The following TMEM132D variants were observed in gnomAD, a reference collection of about 807,000 sequenced individuals.
The protein encoded by TMEM132D is mature OL transmembrane protein.
A neutral mutation model predicts 62.3 loss-of-function variants in TMEM132D; 21 were observed. The ratio of observed to expected loss-of-function variants is 0.34; its 90% CI spans 0.24 to 0.49. TMEM132D has a LOEUF of 0.49. TMEM132D is among the 20% of genes least tolerant of loss of function. The pLI, the probability that TMEM132D is intolerant of heterozygous loss-of-function variation, is 0.99. For synonymous variants in TMEM132D, 621 were observed against 575.6 expected (o/e 1.08, Z -1.13); for missense variants, 1,346 against 1,402.8 (o/e 0.96, Z 0.65).
intron 1 of TMEM132D, among the ~76,000 whole-genome samples, chr12:129,888,747 T>G (rs1057349486): frequency 1.2e-4 from 18 of 152,296 alleles, no homozygotes; most frequent in African/African-American, 4.3e-4. Context: ...GTTGCTGTCC[T>G]GTTAACCACC....
Position 129,324,100 on chromosome 12 carries a change from A to G in TMEM132D, c.1299+13534T>C, listed in dbSNP as rs149788598. On this transcript the variant is annotated intron_variant, in intron 4 of 8. Transcript: ENST00000422113. ...ATTGGAAGCCTGAATTTATCCAAGT[A>G]TCCATCTTTTACTGACTGCATTTAC... 6.0e-3 allele frequency among the ~76,000 whole-genome samples: 907 copies of G among 152,184 alleles called. 10 individuals are homozygous for G. Among genetic ancestry groups the G allele is most frequent in the African/African-American group, 0.021 (876 of 41,524 alleles).
chr12:129,314,822 T>TA (rs142415226), intron 4 of TMEM132D, among the ~76,000 whole-genome samples: 5,227 of 152,252 alleles, frequency 0.034, 275 homozygotes, highest in East Asian at 0.26. Context: ...GTTTTCCTTG[T>TA]AGAGGTCTTT....
At chr12:129,232,796 G>A (rs1318185943) in intron 4 of TMEM132D, among the ~76,000 whole-genome samples, 13 of 152,228 alleles carry the variant, frequency 8.5e-5, no homozygotes, top group South Asian at 4.2e-4. Flanking sequence ...GGAAGCAGGC[G>A]CGTCTTACAT....
chr12:129,138,187 G>T (rs1296140361), intron 5 of TMEM132D, among the ~76,000 whole-genome samples: 2 of 152,242 alleles, frequency 1.3e-5, no homozygotes, highest in Admixed American at 6.5e-5. Flanking sequence ...GAAAAAAAGG[G>T]CTCAGTGCTG....
At chr12:129,522,407 C>T (rs1361014746) in intron 3 of TMEM132D, 1 of 151,858 alleles carries the variant, frequency 6.6e-6, no homozygotes, top group Non-Finnish European at 1.5e-5. Context: ...TTTAATGTTC[C>T]ATGAAATACT....
In TMEM132D at chr12:129,145,344, G is replaced by GA. The variant is rs750326881; in HGVS notation, c.1444-60643_1444-60642insT. 1.3e-3 allele frequency among the ~76,000 whole-genome samples: 195 copies of GA among 152,214 alleles called. 1 individual carries two copies. Among genetic ancestry groups the GA allele is most frequent in the Non-Finnish European group, 2.5e-3 (168 of 68,016 alleles). On this transcript the variant is annotated intron_variant, in intron 5 of 8. Coordinates refer to ENST00000422113, the MANE Select transcript of TMEM132D (RefSeq NM_133448.3). ...TGAAAATCCCTGCCCTAGAGTACAGGTTTTTTACTTGGCGGGTGGGGGGTT... is the reference window on the plus strand; with the variant it reads ...TGAAAATCCCTGCCCTAGAGTACAGGATTTTTTACTTGGCGGGTGGGGGGTT...
intron 3 of TMEM132D, among the ~76,000 whole-genome samples, chr12:129,414,117 G>A (rs967225711): frequency 3.3e-5 from 5 of 152,156 alleles, no homozygotes; most frequent in African/African-American, 7.2e-5. Context: ...GAATCTCTCC[G>A]CATAAAGTGG....
chr12:129,349,188 T>TTCA, intron 3 of TMEM132D, among the ~76,000 whole-genome samples: 1 of 152,228 alleles, frequency 6.6e-6, no homozygotes, highest in African/African-American at 2.4e-5. Flanking sequence ...TCTCCTTTCC[T>TTCA]GTGAACAAAT....
intron 5 of TMEM132D, among the ~76,000 whole-genome samples, chr12:129,165,600 G>A (rs960645570): frequency 2.0e-5 from 3 of 151,864 alleles, no homozygotes; most frequent in Admixed American, 1.3e-4. Flanking sequence ...CTCTCCACAT[G>A]TGTTCTCCCC....
At chr12:129,668,104 G>GA (rs1228055386) in intron 2 of TMEM132D, among the ~76,000 whole-genome samples, 3 of 151,120 alleles carry the variant, frequency 2.0e-5, no homozygotes, top group Non-Finnish European at 4.4e-5. Context: ...TAGAATAGAG[G>GA]AAAAACTTTC....
chr12:129,902,585 C>A (rs1256744292), intron 1 of TMEM132D, among the ~76,000 whole-genome samples: 1 of 152,178 alleles, frequency 6.6e-6, no homozygotes, highest in Non-Finnish European at 1.5e-5. Context: ...AGTCAGGGCT[C>A]CGCTGGGAAA....
At chr12:129,574,614 C>T (rs531691702) in intron 2 of TMEM132D, among the ~76,000 whole-genome samples, 1 of 151,660 alleles carries the variant, frequency 6.6e-6, no homozygotes, top group East Asian at 1.9e-4. Context: ...TTATGAATGC[C>T]CTTCTGAGTG....
chr12:129,251,763 T>C (rs1222629207), intron 4 of TMEM132D, among the ~76,000 whole-genome samples: 1 of 152,172 alleles, frequency 6.6e-6, no homozygotes, highest in Non-Finnish European at 1.5e-5. Flanking sequence ...TAGGAGGGAA[T>C]AATGTGTCCT....
intron 3 of TMEM132D, among the ~76,000 whole-genome samples, chr12:129,513,309 T>G (rs1042511999): frequency 1.2e-4 from 18 of 152,046 alleles, no homozygotes; most frequent in African/African-American, 4.3e-4. Context: ...CTTTTGAGGG[T>G]GAGAGCTTAC....
chr12:129,513,051 T>C (rs553969786), intron 3 of TMEM132D, among the ~76,000 whole-genome samples: 6 of 152,304 alleles, frequency 3.9e-5, no homozygotes, highest in South Asian at 4.1e-4. Context: ...CCATTTTGTG[T>C]TGCTAGAAAA....
intron 3 of TMEM132D, among the ~76,000 whole-genome samples, chr12:129,422,333 G>A (rs932173967): frequency 6.6e-6 from 1 of 152,088 alleles, no homozygotes; most frequent in African/African-American, 2.4e-5. Flanking sequence ...ATAATAAGAA[G>A]AGAACACCTC....
At chr12:129,817,288 T>C (rs907615220) in intron 1 of TMEM132D, among the ~76,000 whole-genome samples, 2 of 152,210 alleles carry the variant, frequency 1.3e-5, no homozygotes, top group Non-Finnish European at 2.9e-5. Flanking sequence ...AGATGATGTC[T>C]TTCTGCAAGG....
chr12:129,087,059 A>G (rs77564817), intron 5 of TMEM132D, among the ~76,000 whole-genome samples: 9,560 of 152,184 alleles, frequency 0.063, 1,000 homozygotes, highest in African/African-American at 0.22. Flanking sequence ...TAGAGTAGCC[A>G]TGCTATACAT....
chr12:129,834,577 C>T (rs571364509), intron 1 of TMEM132D, among the ~76,000 whole-genome samples: 3 of 152,280 alleles, frequency 2.0e-5, no homozygotes, highest in South Asian at 4.2e-4. Flanking sequence ...GGAATAAAGC[C>T]GCTTTCCTTC....
Sources: gnomAD v4.1 joint callset for allele counts (sites outside exome capture counted in the v4.1 genomes callset) on GRCh38, gnomAD v4.1.1 for gene constraint, MANE v1.5 for transcripts, NCBI Gene and HGNC (gene_info 2026-07-23, HGNC 2026-07-21) for gene names.